Variants in DPP6 observed in about 807,000 individuals in gnomAD.
DPP6 encodes A-type potassium channel modulatory protein DPP6.
In DPP6, 69 loss-of-function variants were observed where a neutral mutation model predicts 122.6. The ratio of observed to expected loss-of-function variants is 0.56; its 90% CI spans 0.46 to 0.69. DPP6 has a LOEUF of 0.69. Among genes scored for constraint, DPP6 ranks in the 30% least tolerant of loss-of-function variants. The pLI is 0.00. For synonymous variants in DPP6, 418 were observed against 433.1 expected (o/e 0.97, Z 0.43); for missense variants, 928 against 1,116.9 (o/e 0.83, Z 2.41).
rs528054455 is a variant in DPP6, at chr7:153,976,741, A to T, written c.51+89007A>T. ...TGAAGCATTAAGGAACATCTGACAT[A>T]AAAGGAGGGAGTGTAATTCATCAAG... On this transcript the variant is annotated intron_variant, in intron 1 of 25. Coordinates refer to the DPP6 transcript ENST00000404039. Among the ~76,000 whole-genome samples the T allele has an allele frequency of 1.8e-4, 28 of 152,310 alleles. No homozygotes were observed. In the South Asian group the frequency reaches 5.2e-3, roughly 28 times the overall value.
chr7:153,846,754 G>A, the DPP6 span, among the ~76,000 whole-genome samples: 63 of 140,598 alleles, frequency 4.5e-4, 1 homozygote, highest in Admixed American at 1.2e-3. Context: ...GTGCAGTGGC[G>A]CAATCTCCAC....
Position 154,543,993 on chromosome 7 carries a change from CAAAAAAAAA to C in DPP6, c.552+3379_552+3387del, listed in dbSNP as rs35853479. 4.4e-5 allele frequency among the ~76,000 whole-genome samples: 3 copies of C among 68,910 alleles called. No homozygotes were observed. The South Asian group carries it at 2.1e-3, about 47-fold the overall frequency. The allele number at this position is 68,910 out of a possible 152,430, so 45.2% of individuals were successfully genotyped here. On this transcript the variant is annotated intron_variant, in intron 4 of 25. Transcript: ENST00000377770. ...TGGGCAACAGAGTGAGACTCCATCT[CAAAAAAAAA>C]AAAAAAAAAAAGAGTTTCTGTATGT...
chr7:154,115,302 A>T (rs1419825833), intron 1 of DPP6, among the ~76,000 whole-genome samples: 1 of 152,228 alleles, frequency 6.6e-6, no homozygotes. Context: ...GACCAGTCTG[A>T]GTCCTAATTA....
At chr7:154,757,121 G>A (rs910062765) in intron 8 of DPP6, among the ~76,000 whole-genome samples, 1 of 150,774 alleles carries the variant, frequency 6.6e-6, no homozygotes, top group African/African-American at 2.4e-5. Context: ...GTCTCCTGAG[G>A]AACAGGCCAG....
At chr7:154,414,693 G>A (rs1332914614) in intron 1 of DPP6, among the ~76,000 whole-genome samples, 1 of 152,198 alleles carries the variant, frequency 6.6e-6, no homozygotes, top group Non-Finnish European at 1.5e-5. Flanking sequence ...TTGCCATCAG[G>A]TGTCGGCTGG....
the DPP6 span, among the ~76,000 whole-genome samples, chr7:153,786,997 G>C: frequency 6.8e-6 from 1 of 146,556 alleles, no homozygotes; most frequent in East Asian, 2.0e-4. Context: ...TGTCGCCCGG[G>C]CTGGAGTGCA....
At chr7:154,464,030 C>G (rs76813796) in intron 2 of DPP6, among the ~76,000 whole-genome samples, 1 of 152,158 alleles carries the variant, frequency 6.6e-6, no homozygotes, top group East Asian at 1.9e-4. Flanking sequence ...CCAAGACTTG[C>G]GCAGGAATTG....
intron 1 of DPP6, among the ~76,000 whole-genome samples, chr7:154,276,008 A>C (rs1804102841): frequency 6.6e-6 from 1 of 152,250 alleles, no homozygotes; most frequent in Non-Finnish European, 1.5e-5. Flanking sequence ...AGACCTTGCC[A>C]GTGCCTTGAA....
Position 154,330,167 on chromosome 7 carries a change from G to C in DPP6, c.244-116047G>C, listed in dbSNP as rs149820814. On this transcript the variant is annotated intron_variant, in intron 1 of 25. Coordinates refer to ENST00000377770, the MANE Select transcript of DPP6 (RefSeq NM_130797.4). ...TACCTATGTAACAAACCTGCACGTT[G>C]TGCACATGTATCCCAGAACTTAAAG... is the stretch of plus-strand genomic sequence containing the variant. Among the ~76,000 whole-genome samples, 50 of 152,314 alleles carry C rather than the reference G, an allele frequency of 3.3e-4. 1 individual carries two copies. In the East Asian group the frequency reaches 6.2e-3, roughly 19 times the overall value.
In DPP6 at chr7:153,890,147, A is replaced by G. The variant is rs76598968; in HGVS notation, c.51+2413A>G. On this transcript the variant is annotated intron_variant, in intron 1 of 25. Transcript: ENST00000404039. ...ATTACTGACAGCTGAGCTGCCGCACATCTGACAGCTACAAAAAGTGGCAGA... is the reference window on the plus strand; with the variant it reads ...ATTACTGACAGCTGAGCTGCCGCACGTCTGACAGCTACAAAAAGTGGCAGA... Among the ~76,000 whole-genome samples the G allele has an allele frequency of 2.6e-4, 40 of 152,356 alleles. 2 individuals are homozygous for G. In the East Asian group the frequency reaches 7.7e-3, roughly 29 times the overall value.
chr7:154,107,983 A>G (rs1806294522), intron 1 of DPP6, among the ~76,000 whole-genome samples: 1 of 152,244 alleles, frequency 6.6e-6, no homozygotes, highest in South Asian at 2.1e-4. Context: ...TTGAAATCTC[A>G]TTCAGTTGAA....
chr7:153,776,191 G>A, the DPP6 span, among the ~76,000 whole-genome samples: 4 of 152,176 alleles, frequency 2.6e-5, no homozygotes, highest in East Asian at 1.9e-4. Flanking sequence ...CAATCAACAT[G>A]GTGTGGTATT....
At position 154,676,332 on chromosome 7, in the gene DPP6, G is replaced by A. The variant is rs553172652; in HGVS notation, c.762+6891G>A. Among the ~76,000 whole-genome samples, 4 of 114,252 alleles carry A rather than the reference G, an allele frequency of 3.5e-5. No homozygotes were observed. In the South Asian group the frequency reaches 8.1e-4, roughly 23 times the overall value. 75.0% of individuals were successfully genotyped at this position (114,252 alleles called of 152,430 possible). A position where few individuals can be genotyped will look rare whatever the true frequency, so the allele number is the denominator to read the frequency against. On this transcript the variant is annotated intron_variant, in intron 7 of 25. Coordinates refer to ENST00000377770, the MANE Select transcript of DPP6 (RefSeq NM_130797.4). ...CTGCTACACAGGTGTTCCGGGCTGC[G>A]GCCATGGGGCGTGCTGTCTGGAGGT...
chr7:154,842,009 A>G (rs1480843191), intron 16 of DPP6, among the ~76,000 whole-genome samples: 1 of 152,170 alleles, frequency 6.6e-6, no homozygotes, highest in African/African-American at 2.4e-5. Context: ...AATTATCCGC[A>G]GTAGTTCTGG....
chr7:153,876,883 G>A, the DPP6 span, among the ~76,000 whole-genome samples: 1 of 151,984 alleles, frequency 6.6e-6, no homozygotes, highest in Non-Finnish European at 1.5e-5. Flanking sequence ...ATGGTAAGTA[G>A]TTGTATATCT....
chr7:154,698,275 TCCAGCTAGA>T (rs1334334988), intron 7 of DPP6, among the ~76,000 whole-genome samples: 1 of 152,248 alleles, frequency 6.6e-6, no homozygotes, highest in African/African-American at 2.4e-5. Flanking sequence ...TTAACCATTT[TCCAGCTAGA>T]CCAGCTGGAC....
intron 10 of DPP6, among the ~76,000 whole-genome samples, chr7:154,782,877 G>A (rs752283298): frequency 1.1e-4 from 17 of 151,966 alleles, no homozygotes; most frequent in Non-Finnish European, 7.4e-5. Context: ...TCCGCCTCCC[G>A]GGTTCAAGCA....
chr7:153,982,615 A>T (rs1379994892), intron 1 of DPP6, among the ~76,000 whole-genome samples: 1 of 151,742 alleles, frequency 6.6e-6, no homozygotes, highest in Non-Finnish European at 1.5e-5. Flanking sequence ...TTTGGAGGAG[A>T]AGAGGAATTC....
chr7:154,640,188 G>T (rs1021057164), intron 6 of DPP6, among the ~76,000 whole-genome samples: 3 of 152,170 alleles, frequency 2.0e-5, no homozygotes, highest in Non-Finnish European at 4.4e-5. Flanking sequence ...GGAGGCTAGA[G>T]GTTGCAGTGA....
Sources: allele counts gnomAD v4.1 joint callset (sites outside exome capture counted in the v4.1 genomes callset), GRCh38; gene constraint gnomAD v4.1.1; transcripts MANE v1.5; gene names NCBI Gene and HGNC (gene_info 2026-07-23, HGNC 2026-07-21).